Variants in RANBP2 observed in about 807,000 individuals in gnomAD.
RANBP2 encodes the protein RAN binding protein 2, also known as E3 SUMO-protein ligase RanBP2.
In RANBP2, 57 loss-of-function variants were observed where a neutral mutation model predicts 303.6. That is an observed-to-expected ratio of 0.19 (90% CI 0.15 to 0.23). The LOEUF (loss-of-function observed/expected upper bound fraction) is 0.23. RANBP2 is among the 10% of genes least tolerant of loss of function. The pLI is 1.00. For synonymous variants in RANBP2, 1,167 were observed against 1,301.5 expected (o/e 0.90, Z 2.23); for missense variants, 3,138 against 3,780.8 (o/e 0.83, Z 4.46).
the RANBP2 span, among the ~76,000 whole-genome samples, chr2:108,901,832 G>A: frequency 0.041 from 6,252 of 152,276 alleles, 433 homozygotes; most frequent in African/African-American, 0.14. Context: ...AGCCAAACGC[G>A]GTGGCTCACG....
the RANBP2 span, among the ~76,000 whole-genome samples, chr2:109,126,503 G>A: frequency 1.1e-3 from 175 of 152,332 alleles, 1 homozygote; most frequent in Non-Finnish European, 1.0e-3. Flanking sequence ...TGTGGCCAAG[G>A]CACACGGGTC....
chr2:109,102,626 A>G, the RANBP2 span, among the ~76,000 whole-genome samples: 115 of 152,284 alleles, frequency 7.6e-4, 1 homozygote, highest in South Asian at 0.011. Context: ...AATAATATCA[A>G]TGATCTAGAG....
the RANBP2 span, among the ~76,000 whole-genome samples, chr2:108,990,636 G>C: frequency 6.6e-6 from 1 of 152,072 alleles, no homozygotes. Context: ...AGACAGAAAT[G>C]TATGGGGCTG....
chr2:109,644,662 CCAAGGG>C, the RANBP2 span, among the ~76,000 whole-genome samples: 1 of 152,132 alleles, frequency 6.6e-6, no homozygotes, highest in Non-Finnish European at 1.5e-5. Context: ...CTCTTTATCC[CCAAGGG>C]CATGTGAAAC....
the RANBP2 span, among the ~76,000 whole-genome samples, chr2:109,333,117 A>G: frequency 4.3e-4 from 66 of 152,342 alleles, 1 homozygote; most frequent in Non-Finnish European, 6.9e-4. Flanking sequence ...GAGAGACCTC[A>G]GTTTCCAGCC....
the RANBP2 span, among the ~76,000 whole-genome samples, chr2:108,993,496 T>C: frequency 6.6e-6 from 1 of 151,888 alleles, no homozygotes; most frequent in Non-Finnish European, 1.5e-5. Flanking sequence ...CTTAGCAAAA[T>C]GAGGAAAGGG....
the RANBP2 span, among the ~76,000 whole-genome samples, chr2:109,146,766 T>G: frequency 6.7e-6 from 1 of 150,262 alleles, no homozygotes; most frequent in South Asian, 2.1e-4. Flanking sequence ...CTTCGAAAAC[T>G]TGCGGATCTC....
chr2:108,902,268 TG>T, the RANBP2 span, among the ~76,000 whole-genome samples: 1 of 151,792 alleles, frequency 6.6e-6, no homozygotes, highest in South Asian at 2.1e-4. Context: ...CCCAGCTACT[TG>T]GGAGGCTGAG....
the RANBP2 span, among the ~76,000 whole-genome samples, chr2:109,361,363 T>C: frequency 6.5e-4 from 99 of 152,334 alleles, 3 homozygotes; most frequent in Admixed American, 4.9e-3. Flanking sequence ...TTCTGCGAAG[T>C]ATTGAGATTG....
chr2:109,475,809 CTG>C, the RANBP2 span, among the ~76,000 whole-genome samples: 1 of 152,224 alleles, frequency 6.6e-6, no homozygotes, highest in Non-Finnish European at 1.5e-5. Flanking sequence ...GAAACAGTGA[CTG>C]AGTGTCAGCA....
the RANBP2 span, among the ~76,000 whole-genome samples, chr2:109,483,451 C>T: frequency 3.3e-5 from 5 of 152,210 alleles, no homozygotes; most frequent in African/African-American, 1.2e-4. Flanking sequence ...GTGCTCCCTT[C>T]TCTGAGCCAG....
the RANBP2 span, among the ~76,000 whole-genome samples, chr2:109,728,272 G>A: frequency 6.6e-6 from 1 of 152,092 alleles, no homozygotes; most frequent in South Asian, 2.1e-4. Context: ...AGATGACACA[G>A]CAAGTGGCAG....
chr2:108,920,366 C>T, the RANBP2 span, among the ~76,000 whole-genome samples: 31 of 152,308 alleles, frequency 2.0e-4, no homozygotes, highest in African/African-American at 6.3e-4. Flanking sequence ...CTCTCTGTTA[C>T]GGCAGGGCAA....
chr2:109,091,254 A>C, the RANBP2 span, among the ~76,000 whole-genome samples: 1 of 152,090 alleles, frequency 6.6e-6, no homozygotes, highest in South Asian at 2.1e-4. Flanking sequence ...AAAATAAAAT[A>C]AAATTTAAAA....
At chr2:109,613,928 C>CG in the RANBP2 span, 1 of 1,113,454 alleles carries the variant, frequency 9.0e-7, no homozygotes, top group East Asian at 4.8e-5. Context: ...AAGCAACGGG[C>CG]GGGGCGCGAG....
the RANBP2 span, among the ~76,000 whole-genome samples, chr2:109,568,276 T>G: frequency 6.6e-6 from 1 of 152,054 alleles, no homozygotes; most frequent in East Asian, 1.9e-4. Flanking sequence ...AGCCTGGCCC[T>G]TTGCAGAAAA....
chr2:109,396,496 G>T, the RANBP2 span, among the ~76,000 whole-genome samples: 2 of 152,216 alleles, frequency 1.3e-5, no homozygotes, highest in African/African-American at 4.8e-5. Flanking sequence ...CGGCCTGCAC[G>T]GAGCAGCCCT....
the RANBP2 span, among the ~76,000 whole-genome samples, chr2:109,643,016 AT>A: frequency 6.1e-4 from 93 of 151,762 alleles, no homozygotes; most frequent in Non-Finnish European, 1.0e-3. Flanking sequence ...CTCTACTAAA[AT>A]TTTTTTTTAA....
the RANBP2 span, among the ~76,000 whole-genome samples, chr2:109,335,922 C>CA: frequency 6.6e-6 from 1 of 151,988 alleles, no homozygotes; most frequent in Non-Finnish European, 1.5e-5. Flanking sequence ...AGCAGCTCAA[C>CA]AAAAAAAGAC....
Sources: allele counts gnomAD v4.1 joint callset (sites outside exome capture counted in the v4.1 genomes callset), GRCh38; gene constraint gnomAD v4.1.1; transcripts MANE v1.5; gene names NCBI Gene and HGNC (gene_info 2026-07-23, HGNC 2026-07-21).